The following PARD3B variants were observed in gnomAD, a reference collection of about 807,000 sequenced individuals.
PARD3B encodes partitioning defective 3 homolog B.
In PARD3B, 103 loss-of-function variants were observed where a neutral mutation model predicts 130.2. The observed-to-expected ratio is 0.79, with a 90% CI of 0.67 to 0.93. PARD3B has a LOEUF of 0.93. PARD3B is among the 40% of genes least tolerant of loss of function. The pLI is 0.00. For synonymous variants in PARD3B, 583 were observed against 553.2 expected (o/e 1.05, Z -0.76); for missense variants, 1,609 against 1,499.2 (o/e 1.07, Z -1.21).
intron 21 of PARD3B, among the ~76,000 whole-genome samples, chr2:205,533,608 G>A (rs1484190968): frequency 1.3e-5 from 2 of 152,060 alleles, no homozygotes; most frequent in East Asian, 1.9e-4. Flanking sequence ...GGAAACATAA[G>A]TGTTCATTAA....
In PARD3B at chr2:205,174,286, ATCAAGAATAAGAACTGGG is replaced by A. The variant is rs112373885; in HGVS notation, c.1791+1910_1791+1927del. 2.3e-3 allele frequency among the ~76,000 whole-genome samples: 344 copies of A among 152,306 alleles called. 5 individuals carry two copies. The East Asian group carries it at 0.031, about 14-fold the overall frequency. Reference sequence around the variant, plus strand: ...GTTAATGTAGATCACCAGGGAATTGATCAAGAATAAGAACTGGGTCAAAAAGCAATTTCTATGAGGACG... The same window carrying A: ...GTTAATGTAGATCACCAGGGAATTGATCAAAAAGCAATTTCTATGAGGACG... On this transcript the variant is annotated intron_variant, in intron 12 of 22. Transcript: ENST00000406610.
At chr2:205,439,412 G>C (rs1035706677) in intron 19 of PARD3B, among the ~76,000 whole-genome samples, 6 of 152,098 alleles carry the variant, frequency 3.9e-5, no homozygotes, top group Non-Finnish European at 7.4e-5. Flanking sequence ...TCTCATTAGT[G>C]CTGAAGACCT....
intron 2 of PARD3B, among the ~76,000 whole-genome samples, chr2:204,929,863 T>G (rs1157180628): frequency 1.3e-5 from 2 of 152,052 alleles, no homozygotes; most frequent in Admixed American, 6.6e-5. Flanking sequence ...CCAACTGTAT[T>G]TCTATTCCGT....
chr2:205,491,915 G>T (rs749628156), intron 20 of PARD3B, among the ~76,000 whole-genome samples: 7 of 152,190 alleles, frequency 4.6e-5, no homozygotes, highest in African/African-American at 1.7e-4. Flanking sequence ...GGATGGCTGG[G>T]GGGAGGACCG....
chr2:205,576,458 G>A (rs2053763051), intron 22 of PARD3B, among the ~76,000 whole-genome samples: 1 of 151,904 alleles, frequency 6.6e-6, no homozygotes, highest in Non-Finnish European at 1.5e-5. Flanking sequence ...GAGTCATTTT[G>A]AGTTAATTTT....
intron 7 of PARD3B, among the ~76,000 whole-genome samples, chr2:205,119,583 C>T (rs1250295534): frequency 6.6e-6 from 1 of 151,982 alleles, no homozygotes; most frequent in Non-Finnish European, 1.5e-5. Flanking sequence ...AGTTCAAGAC[C>T]AACTGGCCAA....
intron 2 of PARD3B, among the ~76,000 whole-genome samples, chr2:204,754,949 G>A (rs963870949): frequency 4.6e-5 from 7 of 152,070 alleles, no homozygotes; most frequent in African/African-American, 9.7e-5. Context: ...TTTGAAAACC[G>A]AGTTCCTCAG....
At chr2:204,797,584 TAAA>T (rs2042419084) in intron 2 of PARD3B, among the ~76,000 whole-genome samples, 1 of 152,206 alleles carries the variant, frequency 6.6e-6, no homozygotes. Context: ...AAAATTGCAT[TAAA>T]AATTGTTTGG....
At chr2:205,378,962 A>G (rs1224652502) in intron 18 of PARD3B, among the ~76,000 whole-genome samples, 1 of 151,648 alleles carries the variant, frequency 6.6e-6, no homozygotes, top group Admixed American at 6.6e-5. Flanking sequence ...AGGAGAAAAG[A>G]ACCGTCTGTG....
intron 2 of PARD3B, among the ~76,000 whole-genome samples, chr2:204,764,937 AT>A (rs58060321): frequency 0.012 from 1,834 of 150,816 alleles, 33 homozygotes; most frequent in African/African-American, 0.042. Context: ...GGACTGATGC[AT>A]TTTTTTTTGT....
rs114671429 is a variant in PARD3B, at chr2:205,190,639, A to G, written c.2025-2566A>G. Among the ~76,000 whole-genome samples, 6 of 151,996 alleles carry G rather than the reference A, an allele frequency of 3.9e-5. No individual in the cohort carries two copies. The East Asian group carries it at 7.8e-4, about 20-fold the overall frequency. On this transcript the variant is annotated intron_variant, in intron 14 of 22. Transcript: ENST00000406610. ...CCAGCTGTGTGACCTGGCAATGCCA[A>G]CTCTCCTCTTTGAGCCTCAGGGTCT...
intron 10 of PARD3B, among the ~76,000 whole-genome samples, chr2:205,132,166 A>T (rs1244063345): frequency 1.3e-5 from 2 of 152,182 alleles, no homozygotes; most frequent in Non-Finnish European, 2.9e-5. Context: ...AGAGATATTA[A>T]GTGCACAGAT....
intron 3 of PARD3B, among the ~76,000 whole-genome samples, chr2:205,028,092 C>T (rs1697161860): frequency 6.6e-6 from 1 of 151,818 alleles, no homozygotes; most frequent in Non-Finnish European, 1.5e-5. Context: ...GGGTTTTTTT[C>T]TGTTTCTGTG....
intron 3 of PARD3B, among the ~76,000 whole-genome samples, chr2:205,045,245 CTA>C (rs1320464037): frequency 6.7e-6 from 1 of 149,262 alleles, no homozygotes; most frequent in African/African-American, 2.5e-5. Context: ...ATTATTATTA[CTA>C]TTATTATTAC....
chr2:204,881,055 T>C (rs1162053327), intron 2 of PARD3B, among the ~76,000 whole-genome samples: 1 of 152,154 alleles, frequency 6.6e-6, no homozygotes, highest in Non-Finnish European at 1.5e-5. Context: ...CTTGACAAAA[T>C]CATTTAACAC....
rs184708919 is a variant in PARD3B at position 205,543,700 on chromosome 2, G to A, written c.3181-9624G>A. Among the ~76,000 whole-genome samples, 47 of 152,314 alleles carry A rather than the reference G, an allele frequency of 3.1e-4. No homozygotes were observed. The South Asian group carries it at 3.7e-3, about 12-fold the overall frequency. On this transcript the variant is annotated intron_variant, in intron 21 of 22. Transcript: ENST00000406610. ...TTTCATTTCCTCATGTGTGAAATGA[G>A]GCAGAGATGGAAATGGTAGCACGAT... is the stretch of plus-strand genomic sequence containing the variant.
chr2:205,505,935 G>A (rs1480608860), intron 21 of PARD3B, among the ~76,000 whole-genome samples: 2 of 152,140 alleles, frequency 1.3e-5, no homozygotes, highest in African/African-American at 4.8e-5. Flanking sequence ...AAAGAGGTTT[G>A]TAGACACATG....
At chr2:204,940,704 A>G (rs757149985) in intron 2 of PARD3B, among the ~76,000 whole-genome samples, 3 of 152,164 alleles carry the variant, frequency 2.0e-5, no homozygotes, top group African/African-American at 4.8e-5. Context: ...CTGTTGTCGC[A>G]GTGGTTTTGA....
At chr2:205,479,895 ATTTTTT>A (rs71032475) in intron 20 of PARD3B, among the ~76,000 whole-genome samples, 5 of 127,828 alleles carry the variant, frequency 3.9e-5, no homozygotes, top group African/African-American at 1.3e-4. Context: ...GCCATATGCA[ATTTTTT>A]TTTTTTTTTT....
Sources: allele counts gnomAD v4.1 joint callset (sites outside exome capture counted in the v4.1 genomes callset), GRCh38; gene constraint gnomAD v4.1.1; transcripts MANE v1.5; gene names NCBI Gene and HGNC (gene_info 2026-07-23, HGNC 2026-07-21).